Variants in RAB15 observed in about 807,000 individuals in gnomAD.
RAB15 encodes RAB15, member RAS oncogene family, also known as ras-related protein Rab-15.
A neutral mutation model predicts 31.8 loss-of-function variants in RAB15; 13 were observed. The ratio of observed to expected loss-of-function variants is 0.41; its 90% confidence interval spans 0.27 to 0.65. The LOEUF is 0.65. Ranked by LOEUF, RAB15 falls within the 30% of genes least tolerant of loss-of-function variation. The pLI, the probability that RAB15 is intolerant of heterozygous loss-of-function variation, is 0.32. For missense variants in RAB15, 220 were observed against 277.3 expected, an observed-to-expected ratio of 0.79 and a Z score of 1.47; for synonymous variants, 100 against 105.6, an observed-to-expected ratio of 0.95 and a Z score of 0.33.
At chr14:64,961,421 G>A (rs1022392423) in intron 1 of RAB15, among the ~76,000 whole-genome samples, 1 of 152,192 alleles carries the variant, frequency 6.6e-6, no homozygotes, top group Non-Finnish European at 1.5e-5. Context: ...CAGAGATGAG[G>A]GGTCAGTGCT....
rs1886439577 is a variant in RAB15 at position 64,954,614 on chromosome 14, A to C, written c.125-2043T>G. 2.5e-6 allele frequency: 2 copies of C among 795,252 alleles called. No homozygotes were observed. Among genetic ancestry groups the C allele is most frequent in the African/African-American group, 3.8e-5 (2 of 53,308 alleles). The allele number at this position is 795,252 out of a possible 1,614,324, so 49.3% of individuals were successfully genotyped here. ...CAGTGCAGACAGAGCAGTGAAAAAG[A>C]CATGGCCCCTGCCCTCAGAGAGCCT... On this transcript the variant is annotated intron_variant, in intron 1 of 6. Coordinates refer to ENST00000533601, the MANE Select transcript of RAB15 (RefSeq NM_001308154.2). The surrounding 1 kb of genome is among the most constrained non-coding windows in gnomAD (Gnocchi z 4.3).
At chr14:64,956,421 A>G (rs1167723631) in intron 1 of RAB15, among the ~76,000 whole-genome samples, 2 of 151,914 alleles carry the variant, frequency 1.3e-5, no homozygotes, top group African/African-American at 4.8e-5. Context: ...AAAAAAAAAA[A>G]AAAAGAAAAG....
intron 1 of RAB15, among the ~76,000 whole-genome samples, chr14:64,966,785 C>T (rs556761000): frequency 6.6e-6 from 1 of 152,330 alleles, no homozygotes; most frequent in Admixed American, 6.5e-5. Context: ...TTCCATTCTG[C>T]TCATTGCTTC....
Position 64,971,862 on chromosome 14 carries a change from G to C in RAB15, c.124+91C>G. On this transcript the variant is annotated intron_variant, in intron 1 of 6. Coordinates refer to ENST00000533601, the MANE Select transcript of RAB15 (RefSeq NM_001308154.2). The surrounding 1 kb of genome is among the most constrained non-coding windows in gnomAD (Gnocchi z 4.1). ...GGCGCCACCGCCTCCAGCCGGAGGGGCTGGCAATTCCTCCCCAGCTGGGGA... is the reference window on the plus strand; with the variant it reads ...GGCGCCACCGCCTCCAGCCGGAGGGCCTGGCAATTCCTCCCCAGCTGGGGA... 7.8e-7 allele frequency: 1 copy of C among 1,277,596 alleles called. No individual in the cohort carries two copies. The highest frequency in any genetic ancestry group is 1.5e-5 in the African/African-American group (1 of 66,548). The allele number at this position is 1,277,596 out of a possible 1,614,324, so 79.1% of individuals were successfully genotyped here.
intron 1 of RAB15, among the ~76,000 whole-genome samples, chr14:64,956,924 T>A (rs1462966338): frequency 6.8e-6 from 1 of 146,200 alleles, no homozygotes; most frequent in Non-Finnish European, 1.5e-5. Context: ...TCTCAACTTC[T>A]CCTAGCTTCA....
chr14:64,960,343 G>T (rs1002695789), intron 1 of RAB15, among the ~76,000 whole-genome samples: 8 of 152,204 alleles, frequency 5.3e-5, no homozygotes, highest in African/African-American at 1.9e-4. Flanking sequence ...AAAGGAGCAG[G>T]CAGGGCACAT....
At position 64,952,768 on chromosome 14, in the gene RAB15, C is replaced by G. The variant is rs960448428; in HGVS notation, c.125-197G>C. Among the ~76,000 whole-genome samples the G allele has an allele frequency of 1.3e-5, 2 of 152,174 alleles. No homozygotes were observed. The highest frequency in any genetic ancestry group is 4.8e-5 in the African/African-American group (2 of 41,442). ...CTTTGAAAGGGGCTTTCCTCCCTCCCTGAGCTGAAAGTTGCCACAAGTAAA... is the reference window on the plus strand; with the variant it reads ...CTTTGAAAGGGGCTTTCCTCCCTCCGTGAGCTGAAAGTTGCCACAAGTAAA... On this transcript the variant is annotated intron_variant, in intron 1 of 6. Coordinates refer to ENST00000533601, the MANE Select transcript of RAB15 (RefSeq NM_001308154.2). The surrounding 1 kb of genome is among the most constrained non-coding windows in gnomAD (Gnocchi z 4.2).
rs1454528143 is a variant in RAB15, at chr14:64,968,856, AC to A, written c.124+3096del. ...CTGTGGCAGAGCCAGTGGCAGGGCCACCTGCTGGTCTGCTGGCCAGAAAGAC... is the reference window on the plus strand; with the variant it reads ...CTGTGGCAGAGCCAGTGGCAGGGCCACTGCTGGTCTGCTGGCCAGAAAGAC... On this transcript the variant is annotated intron_variant, in intron 1 of 6. Coordinates refer to ENST00000533601, the MANE Select transcript of RAB15 (RefSeq NM_001308154.2). The surrounding 1 kb of genome is among the most constrained non-coding windows in gnomAD (Gnocchi z 4.9). Among the ~76,000 whole-genome samples, 5 of 152,220 alleles carry A rather than the reference AC, an allele frequency of 3.3e-5. No individual in the cohort carries two copies. The highest frequency in any genetic ancestry group is 1.2e-4 in the African/African-American group (5 of 41,450).
In RAB15 at chr14:64,953,906, G is replaced by T; in HGVS notation, c.125-1335C>A. 1.0e-6 allele frequency: 1 copy of T among 985,378 alleles called. No individual in the cohort carries two copies. Among genetic ancestry groups the T allele is most frequent in the Non-Finnish European group, 1.2e-6 (1 of 829,930 alleles). 61.0% of individuals were successfully genotyped at this position (985,378 alleles called of 1,614,324 possible). ...CCAGCTGCACTGCCCGGCCCAGAAG[G>T]CCTGAAGGCACCAGCATCCCCATCA... On this transcript the variant is annotated intron_variant, in intron 1 of 6. Transcript: ENST00000533601. This position sits in a 1 kb window ranked among gnomAD's most constrained non-coding sequence, Gnocchi z 4.6.
intron 1 of RAB15, among the ~76,000 whole-genome samples, chr14:64,969,889 G>A (rs980267299): frequency 2.0e-4 from 30 of 152,298 alleles, no homozygotes; most frequent in African/African-American, 7.2e-4. Context: ...TTAGAGGTGT[G>A]AGGCAATGGA....
rs1341069085 is a variant in RAB15, at chr14:64,955,316, C to T, written c.125-2745G>A. 1.3e-5 allele frequency among the ~76,000 whole-genome samples: 2 copies of T among 152,158 alleles called. No individual in the cohort carries two copies. The highest frequency in any genetic ancestry group is 1.9e-4 in the East Asian group (1 of 5,192). Reference sequence around the variant, plus strand: ...CTTCAAGAGGAATCTATTGCTTCTGCGCTCTGTTCCCACACAACCTGGGCC... The same window carrying T: ...CTTCAAGAGGAATCTATTGCTTCTGTGCTCTGTTCCCACACAACCTGGGCC... On this transcript the variant is annotated intron_variant, in intron 1 of 6. Coordinates refer to ENST00000533601, the MANE Select transcript of RAB15 (RefSeq NM_001308154.2). The surrounding 1 kb of genome is among the most constrained non-coding windows in gnomAD (Gnocchi z 4.4).
chr14:64,961,721 C>A (rs1886869101), intron 1 of RAB15, among the ~76,000 whole-genome samples: 1 of 152,038 alleles, frequency 6.6e-6, no homozygotes, highest in Non-Finnish European at 1.5e-5. Flanking sequence ...TCAGTCAGGG[C>A]AACATAGTGA....
intron 1 of RAB15, among the ~76,000 whole-genome samples, chr14:64,957,284 G>T (rs759212322): frequency 2.0e-5 from 3 of 152,142 alleles, no homozygotes; most frequent in Non-Finnish European, 4.4e-5. Flanking sequence ...CCTAAGGGCT[G>T]TGCTGGGATA....
At position 64,945,897 on chromosome 14, in the gene RAB15, A is replaced by T. The variant is rs1885892815; in HGVS notation, c.*2457T>A. On this transcript the variant is annotated 3_prime_UTR_variant, in exon 7 of 7. Transcript: ENST00000533601. ...CTCACAATTCATATATGGACCCGAGACACAGTACACGAAGTTCACCCGTCA... is the reference window on the plus strand; with the variant it reads ...CTCACAATTCATATATGGACCCGAGTCACAGTACACGAAGTTCACCCGTCA... The T allele has an allele frequency of 6.9e-6, 1 of 144,136 alleles. No individual in the cohort carries two copies. Among genetic ancestry groups the T allele is most frequent in the Admixed American group, 6.8e-5 (1 of 14,782 alleles). The allele number at this position is 144,136 out of a possible 1,614,324, so 8.9% of individuals were successfully genotyped here.
Position 64,970,600 on chromosome 14 carries a change from C to A in RAB15, c.124+1353G>T, listed in dbSNP as rs1409465652. On this transcript the variant is annotated intron_variant, in intron 1 of 6. Coordinates refer to ENST00000533601, the MANE Select transcript of RAB15 (RefSeq NM_001308154.2). This position sits in a 1 kb window ranked among gnomAD's most constrained non-coding sequence, Gnocchi z 4.1. ...ATGATAATGGCAATAGCAGTAAGAA[C>A]AATCAGCATTTATCGAGCTTCACCA... Among the ~76,000 whole-genome samples the A allele has an allele frequency of 1.3e-5, 2 of 152,224 alleles. No individual in the cohort carries two copies. The highest frequency in any genetic ancestry group is 4.8e-5 in the African/African-American group (2 of 41,454).
chr14:64,950,996 C>T lies in RAB15; in HGVS notation c.324+78G>A. On this transcript the variant is annotated intron_variant, in intron 4 of 6. Coordinates refer to ENST00000533601, the MANE Select transcript of RAB15 (RefSeq NM_001308154.2). This position sits in a 1 kb window ranked among gnomAD's most constrained non-coding sequence, Gnocchi z 5.6. ...GGCAAAGCTTCCTGGAAGCATTTGC[C>T]TTCCCATCTGGCCCTCGCCTTGCCT... 6.2e-7 allele frequency: 1 copy of T among 1,614,090 alleles called. No homozygotes were observed. The highest frequency in any genetic ancestry group is 2.2e-5 in the East Asian group (1 of 44,868).
At chr14:64,966,952 G>A (rs936017571) in intron 1 of RAB15, among the ~76,000 whole-genome samples, 1 of 152,086 alleles carries the variant, frequency 6.6e-6, no homozygotes, top group African/African-American at 2.4e-5. Flanking sequence ...GCAAACCCCA[G>A]GATCCTAGTG....
rs749132803 is a variant in RAB15 at position 64,950,275 on chromosome 14, G to A, written c.414+50C>T. The A allele has an allele frequency of 2.7e-6, 4 of 1,467,426 alleles. No homozygotes were observed. Among genetic ancestry groups the A allele is most frequent in the Non-Finnish European group, 3.8e-6 (4 of 1,047,524 alleles). The allele number at this position is 1,467,426 out of a possible 1,614,324, so 90.9% of individuals were successfully genotyped here. A position where few individuals can be genotyped will look rare whatever the true frequency, so the allele number is the denominator to read the frequency against. On this transcript the variant is annotated intron_variant, in intron 5 of 6. Coordinates refer to ENST00000533601, the MANE Select transcript of RAB15 (RefSeq NM_001308154.2). This position sits in a 1 kb window ranked among gnomAD's most constrained non-coding sequence, Gnocchi z 5.6. ...GGTCCCCACGCTCAGGACTGGCCCT[G>A]GAGGCCCAGCAGAGGACCTGGGGTG... is the stretch of plus-strand genomic sequence containing the variant.
chr14:64,956,078 A>G (rs4902352), intron 1 of RAB15, among the ~76,000 whole-genome samples: 43,680 of 152,050 alleles, frequency 0.29, 6,509 homozygotes, highest in South Asian at 0.32. Context: ...CCCTGGACCC[A>G]CAGCATCAGC....
Sources: gnomAD v4.1 joint callset for allele counts (sites outside exome capture counted in the v4.1 genomes callset) on GRCh38, gnomAD v4.1.1 for gene constraint, Gnocchi (gnomAD v3.1) non-coding constraint, MANE v1.5 for transcripts, NCBI Gene and HGNC (gene_info 2026-07-23, HGNC 2026-07-21) for gene names.